TERF1: variants seen among roughly 807,000 people sequenced by gnomAD.
TERF1 encodes the protein telomeric repeat-binding factor 1.
A neutral mutation model predicts 55.1 loss-of-function variants in TERF1; 20 were observed. That is an observed-to-expected ratio of 0.36 (90% confidence interval 0.26 to 0.53). TERF1 has a LOEUF of 0.53. Ranked by LOEUF, TERF1 falls within the 20% of genes least tolerant of loss-of-function variation. The pLI is 0.91. For missense variants in TERF1, 439 were observed against 535.7 expected, an observed-to-expected ratio of 0.82 and a Z score of 1.78; for synonymous variants, 168 against 181.2, an observed-to-expected ratio of 0.93 and a Z score of 0.59.
In TERF1 at chr8:73,020,695, GA is replaced by G; in HGVS notation, c.431del (p.Asn144MetfsTer12). The G allele has an allele frequency of 6.3e-7, 1 of 1,598,734 alleles. No individual in the cohort carries two copies. The highest frequency in any genetic ancestry group is 2.2e-5 in the East Asian group (1 of 44,622). ...TCTGTTTTTAAAAGATGCACAGTTT[GA>G]AAATGATGAACGAATTACACCCTTG... ...AAGKTLDAQF[E>X]NDERITPLES... On this transcript the variant is annotated frameshift_variant, in exon 3 of 10. Transcript: ENST00000276603. LOFTEE classifies it high-confidence loss of function.
At chr8:73,042,052 T>C (rs1050182740) in intron 9 of TERF1, among the ~76,000 whole-genome samples, 22 of 152,204 alleles carry the variant, frequency 1.4e-4, no homozygotes, top group African/African-American at 5.3e-4. Flanking sequence ...TGTTCTTTGA[T>C]GTATCTAAGA....
At chr8:73,020,633 A>T (rs1740412847) in intron 2 of TERF1, 51 bp from the exon 3 acceptor site, 4 of 1,529,018 alleles carry the variant, frequency 2.6e-6, no homozygotes, top group Middle Eastern at 2.4e-4. Flanking sequence ...AAAAACTGAC[A>T]AAGTTCTACT....
chr8:73,042,706 A>G (rs1809882282), intron 9 of TERF1, among the ~76,000 whole-genome samples: 1 of 152,192 alleles, frequency 6.6e-6, no homozygotes, highest in African/African-American at 2.4e-5. Context: ...GGCATTAAAA[A>G]GCATTATTTG....
At chr8:73,042,048 T>TTGATGTATCTAAGAAGAGTTAC (rs1435544000) in intron 9 of TERF1, among the ~76,000 whole-genome samples, 1 of 152,214 alleles carries the variant, frequency 6.6e-6, no homozygotes, top group East Asian at 1.9e-4. Context: ...CATTTGTTCT[T>TTGATGTATCTAAGAAGAGTTAC]TGATGTATCT....
intron 9 of TERF1, among the ~76,000 whole-genome samples, chr8:73,043,721 G>A (rs1184602140): frequency 2.0e-5 from 3 of 152,002 alleles, no homozygotes; most frequent in Admixed American, 2.0e-4. Flanking sequence ...AGAAAACATT[G>A]GTCATTTCTT....
intron 8 of TERF1, among the ~76,000 whole-genome samples, chr8:73,033,592 G>A (rs1285285642): frequency 6.6e-6 from 1 of 152,144 alleles, no homozygotes; most frequent in Non-Finnish European, 1.5e-5. Flanking sequence ...AAATTAGCCA[G>A]GCATGGTGGT....
chr8:73,028,977 T>A (rs1459109995), intron 6 of TERF1, among the ~76,000 whole-genome samples: 1 of 152,168 alleles, frequency 6.6e-6, no homozygotes, highest in Non-Finnish European at 1.5e-5. Flanking sequence ...GAACTTGCTG[T>A]ACACTAGTTA....
At chr8:73,031,814 A>C in intron 7 of TERF1, 1 of 331,980 alleles carries the variant, frequency 3.0e-6, no homozygotes, top group Non-Finnish European at 5.5e-6. Context: ...ACATCAAAAA[A>C]CATCTTGATT....
chr8:73,027,145 G>C (rs1308986756), intron 6 of TERF1, 93 bp downstream of exon 6: 2 of 876,042 alleles, frequency 2.3e-6, no homozygotes, highest in Admixed American at 5.4e-5. Flanking sequence ...AATAATTATT[G>C]AGTAGCATGT....
chr8:73,031,792 G>C lies in TERF1; in HGVS notation c.948-250G>C, dbSNP rs56107337. The C allele has an allele frequency of 1.2e-4, 36 of 288,312 alleles. No homozygotes were observed. In the East Asian group the frequency reaches 2.1e-3, roughly 16 times the overall value. The allele number at this position is 288,312 out of a possible 1,614,324, so 17.9% of individuals were successfully genotyped here. ...GTCTTGTCTTTTCTTTTTTTTGCCT[G>C]CTTCTTCTGAGACATCAAAAAACAT... On this transcript the variant is annotated intron_variant, in intron 7 of 9. Transcript: ENST00000276603.
At chr8:73,031,207 A>T (rs1172071516) in intron 7 of TERF1, 1 of 152,200 alleles carries the variant, frequency 6.6e-6, no homozygotes, top group African/African-American at 2.4e-5. Flanking sequence ...GGAGGGTGGA[A>T]GATTAAGCCA....
chr8:73,037,598 ATC>A (rs1809597216), intron 8 of TERF1, among the ~76,000 whole-genome samples: 1 of 103,384 alleles, frequency 9.7e-6, no homozygotes, highest in African/African-American at 3.5e-5. Flanking sequence ...TATATAACAT[ATC>A]ATAAATTTAT....
intron 8 of TERF1, among the ~76,000 whole-genome samples, chr8:73,032,562 G>A (rs986091726): frequency 2.0e-5 from 3 of 148,560 alleles, no homozygotes; most frequent in African/African-American, 7.6e-5. Flanking sequence ...TGGGAACCGT[G>A]GGTTTTCTAT....
At chr8:73,021,587 C>T (rs1400508124) in intron 3 of TERF1, among the ~76,000 whole-genome samples, 2 of 152,126 alleles carry the variant, frequency 1.3e-5, no homozygotes, top group African/African-American at 4.8e-5. Flanking sequence ...AAAACTCTTA[C>T]ATCCTCATAA....
rs181278275 is a variant in TERF1, at chr8:73,023,231, C to T, written c.624+929C>T. On this transcript the variant is annotated intron_variant, in intron 4 of 9. Coordinates refer to ENST00000276603, the MANE Select transcript of TERF1 (RefSeq NM_017489.3). Reference sequence around the variant, plus strand: ...TAGTAGATATTGCCAAACTGTTCTCCAAAGTAGTTATGTCAGTTCCTCCAG... The same window carrying T: ...TAGTAGATATTGCCAAACTGTTCTCTAAAGTAGTTATGTCAGTTCCTCCAG... Among the ~76,000 whole-genome samples the T allele has an allele frequency of 1.5e-3, 229 of 152,288 alleles. 4 individuals are homozygous for T. In the South Asian group the frequency reaches 0.03, roughly 20 times the overall value.
At chr8:73,039,778 T>A (rs1184661296) in intron 9 of TERF1, among the ~76,000 whole-genome samples, 1 of 129,958 alleles carries the variant, frequency 7.7e-6, no homozygotes, top group Non-Finnish European at 1.5e-5. Flanking sequence ...GTGGTGTGTG[T>A]GTGTGTGTGT....
rs988829961 is a variant in TERF1, at chr8:73,031,191, G to A, written c.947+796G>A. On this transcript the variant is annotated intron_variant, in intron 7 of 9. Transcript: ENST00000276603. ...AAACTGCTGTCTCTGGAGTCCTATA[G>A]TTTATGGAGGGTGGAAGATTAAGCC... 5 of 152,212 alleles carry A rather than the reference G, an allele frequency of 3.3e-5. No individual in the cohort carries two copies. The East Asian group carries it at 9.6e-4, about 29-fold the overall frequency. The allele number at this position is 152,212 out of a possible 1,614,324, so 9.4% of individuals were successfully genotyped here. A position where few individuals can be genotyped will look rare whatever the true frequency, so the allele number is the denominator to read the frequency against.
chr8:73,037,917 T>C (rs1239098365), intron 8 of TERF1, among the ~76,000 whole-genome samples: 27 of 127,832 alleles, frequency 2.1e-4, no homozygotes, highest in Non-Finnish European at 3.6e-4. Flanking sequence ...TGATATAATA[T>C]ATAATATATA....
intron 9 of TERF1, among the ~76,000 whole-genome samples, chr8:73,039,775 GTGTGTGTGTGT>G (rs1809755766): frequency 2.0e-4 from 18 of 88,206 alleles, no homozygotes; most frequent in African/African-American, 1.2e-3. Flanking sequence ...TTTGTGGTGT[GTGTGTGTGTGT>G]GTGTGTGTGT....
Sources: gnomAD v4.1 joint callset for allele counts (sites outside exome capture counted in the v4.1 genomes callset) on GRCh38, gnomAD v4.1.1 for gene constraint, MANE v1.5 for transcripts, NCBI Gene and HGNC (gene_info 2026-07-23, HGNC 2026-07-21) for gene names.